SGCD: variants seen among roughly 807,000 people sequenced by gnomAD.
The protein encoded by SGCD is sarcoglycan delta.
A neutral mutation model predicts 36.6 loss-of-function variants in SGCD; 18 were observed. The ratio of observed to expected loss-of-function variants is 0.49; its 90% CI spans 0.34 to 0.73. The LOEUF is 0.73. SGCD is among the 30% of genes least tolerant of loss of function. The pLI is 0.01. For synonymous variants in SGCD, 133 were observed against 130.6 expected (o/e 1.02, Z -0.12); for missense variants, 387 against 346.7 (o/e 1.12, Z -0.92).
intron 3 of SGCD, among the ~76,000 whole-genome samples, chr5:156,209,943 G>A (rs1764394179): frequency 3.9e-5 from 6 of 152,132 alleles, no homozygotes. Flanking sequence ...TCAGATCCCA[G>A]GCTCGTTCCA....
chr5:156,222,666 A>G (rs1006197138), intron 3 of SGCD, among the ~76,000 whole-genome samples: 3 of 152,106 alleles, frequency 2.0e-5, no homozygotes, highest in Admixed American at 6.6e-5. Flanking sequence ...TACAAAACCT[A>G]CATCTTGAGG....
chr5:156,288,094 T>C (rs1766661400), intron 3 of SGCD, among the ~76,000 whole-genome samples: 1 of 152,200 alleles, frequency 6.6e-6, no homozygotes, highest in African/African-American at 2.4e-5. Flanking sequence ...AGACTTATCA[T>C]GTTCTTCAGA....
At chr5:156,235,967 G>C (rs1463097841) in intron 3 of SGCD, among the ~76,000 whole-genome samples, 2 of 152,170 alleles carry the variant, frequency 1.3e-5, no homozygotes, top group African/African-American at 4.8e-5. Context: ...ATATATTGTA[G>C]TTCATGGGAT....
intron 2 of SGCD, among the ~76,000 whole-genome samples, chr5:156,338,450 G>A (rs937173396): frequency 6.6e-6 from 1 of 152,138 alleles, no homozygotes; most frequent in African/African-American, 2.4e-5. Flanking sequence ...GTAAGAAGAG[G>A]AGCAATAAGA....
At chr5:156,670,441 A>G (rs1490783476) in intron 7 of SGCD, among the ~76,000 whole-genome samples, 10 of 152,178 alleles carry the variant, frequency 6.6e-5, no homozygotes, top group Non-Finnish European at 5.9e-5. Context: ...CCAATACGCA[A>G]TTGCTTTCGA....
intron 3 of SGCD, among the ~76,000 whole-genome samples, chr5:156,396,382 G>T (rs1375823268): frequency 1.3e-5 from 2 of 152,154 alleles, no homozygotes; most frequent in South Asian, 4.1e-4. Flanking sequence ...AAAACTGCTG[G>T]GTTGCCTCTC....
At chr5:156,168,316 CT>C (rs1431121768) in intron 3 of SGCD, among the ~76,000 whole-genome samples, 2 of 152,008 alleles carry the variant, frequency 1.3e-5, no homozygotes, top group Non-Finnish European at 2.9e-5. Flanking sequence ...GATTTCCTTC[CT>C]GTGTTACATT....
chr5:155,892,059 A>G (rs1018689676), intron 1 of SGCD, among the ~76,000 whole-genome samples: 7 of 152,102 alleles, frequency 4.6e-5, no homozygotes, highest in Admixed American at 2.6e-4. Context: ...CTGATTTTGA[A>G]TTGTATTTTG....
chr5:156,552,821 A>G (rs1163870547), intron 4 of SGCD, among the ~76,000 whole-genome samples: 1 of 152,208 alleles, frequency 6.6e-6, no homozygotes, highest in Non-Finnish European at 1.5e-5. Context: ...ATTTGTTTTC[A>G]GAATACCTTT....
intron 1 of SGCD, among the ~76,000 whole-genome samples, chr5:156,104,078 G>A (rs968312772): frequency 9.2e-5 from 14 of 152,080 alleles, no homozygotes; most frequent in African/African-American, 3.4e-4. Context: ...ATTTTACTTA[G>A]TATTAATTAA....
At chr5:156,328,327 G>A (rs17554270) in intron 1 of SGCD, among the ~76,000 whole-genome samples, 13,798 of 152,256 alleles carry the variant, frequency 0.091, 811 homozygotes, top group Middle Eastern at 0.19. Flanking sequence ...AGCAATCTGT[G>A]ACAACATTGG....
At chr5:156,255,616 AG>A (rs1439013232) in intron 3 of SGCD, among the ~76,000 whole-genome samples, 1 of 152,108 alleles carries the variant, frequency 6.6e-6, no homozygotes, top group African/African-American at 2.4e-5. Flanking sequence ...CATTTCATTC[AG>A]GTTTTAAAAA....
chr5:155,941,000 AT>A (rs560306592), intron 1 of SGCD, among the ~76,000 whole-genome samples: 215 of 149,594 alleles, frequency 1.4e-3, no homozygotes, highest in African/African-American at 4.8e-3. Context: ...AAGAAGAGAC[AT>A]TTTTTTTTTG....
At chr5:155,951,266 C>G (rs1012209198) in intron 1 of SGCD, among the ~76,000 whole-genome samples, 8 of 152,218 alleles carry the variant, frequency 5.3e-5, no homozygotes, top group South Asian at 2.1e-4. Flanking sequence ...TGATAGCCCA[C>G]AGCTGGAAAT....
intron 6 of SGCD, among the ~76,000 whole-genome samples, chr5:156,608,725 C>T (rs1471319558): frequency 6.6e-6 from 1 of 152,162 alleles, no homozygotes; most frequent in Non-Finnish European, 1.5e-5. Context: ...AATCTGGGTG[C>T]TCCTGTATTG....
At chr5:155,981,849 T>C (rs1168746628) in intron 1 of SGCD, among the ~76,000 whole-genome samples, 1 of 152,106 alleles carries the variant, frequency 6.6e-6, no homozygotes, top group Non-Finnish European at 1.5e-5. Flanking sequence ...TTGCCTTGGG[T>C]TTATTATTTG....
intron 4 of SGCD, among the ~76,000 whole-genome samples, chr5:156,579,352 G>C (rs1489058620): frequency 6.6e-6 from 1 of 152,082 alleles, no homozygotes; most frequent in Non-Finnish European, 1.5e-5. Flanking sequence ...AATTTTGGAA[G>C]AAGTGTGATG....
chr5:156,076,266 G>A (rs1324348705), intron 1 of SGCD, among the ~76,000 whole-genome samples: 1 of 151,538 alleles, frequency 6.6e-6, no homozygotes, highest in Non-Finnish European at 1.5e-5. Flanking sequence ...TACAGCAGGT[G>A]GTTTATTTTT....
chr5:156,054,425 A>T (rs1325373076), intron 1 of SGCD, among the ~76,000 whole-genome samples: 1 of 143,938 alleles, frequency 6.9e-6, no homozygotes, highest in Non-Finnish European at 1.6e-5. Flanking sequence ...ACCTGGGACT[A>T]CAGGCACCCG....
Sources: allele counts gnomAD v4.1 joint callset (sites outside exome capture counted in the v4.1 genomes callset), GRCh38; gene constraint gnomAD v4.1.1; transcripts MANE v1.5; gene names NCBI Gene and HGNC (gene_info 2026-07-23, HGNC 2026-07-21).